The following SP140 variants were observed in gnomAD, a reference collection of about 807,000 sequenced individuals.
SP140 encodes the protein nuclear body protein SP140.
In SP140, 81 loss-of-function variants were observed where a neutral mutation model predicts 125.0. The ratio of observed to expected loss-of-function variants is 0.65; its 90% CI spans 0.54 to 0.78. SP140 has a LOEUF of 0.78. SP140 is among the 30% of genes least tolerant of loss of function. The pLI is 0.00. For missense variants in SP140, 858 were observed against 1,037.0 expected (o/e 0.83, Z 2.37); for synonymous variants, 312 against 354.0 (o/e 0.88, Z 1.33).
At chr2:230,224,728 T>G (rs905655052), upstream of SP140, among the ~76,000 whole-genome samples, 2 of 152,178 alleles carry the variant, frequency 1.3e-5, no homozygotes, top group African/African-American at 2.4e-5. Context: ...AAAGTAGGAT[T>G]CAGGAGCACA....
In SP140 at chr2:230,237,867, A is replaced by C; in HGVS notation, c.238-346A>C. Among the ~76,000 whole-genome samples the C allele has an allele frequency of 6.6e-6, 1 of 152,218 alleles. No individual in the cohort carries two copies. The highest frequency in any genetic ancestry group is 1.5e-5 in the Non-Finnish European group (1 of 68,046). On this transcript the variant is annotated intron_variant, in intron 2 of 26. Coordinates refer to ENST00000392045, the MANE Select transcript of SP140 (RefSeq NM_007237.5). The surrounding 1 kb of genome is among the most constrained non-coding windows in gnomAD (Gnocchi z 5.4). Reference sequence around the variant, plus strand: ...GTTGATTGGTTTCCTGGAGCTCGTCAGGCCAGGCCAATCCTAGTAGTGGTT... The same window carrying C: ...GTTGATTGGTTTCCTGGAGCTCGTCCGGCCAGGCCAATCCTAGTAGTGGTT...
At chr2:230,270,059 C>A in intron 14 of SP140, 106 bp downstream of exon 14, 1 of 740,698 alleles carries the variant, frequency 1.4e-6, no homozygotes, top group Non-Finnish European at 2.4e-6. Flanking sequence ...CTATTCTCCG[C>A]ATTTGCTTGA....
chr2:230,314,471 A>G (rs2059468657), downstream of SP140, among the ~76,000 whole-genome samples: 1 of 152,220 alleles, frequency 6.6e-6, no homozygotes, highest in Non-Finnish European at 1.5e-5. Context: ...GATACGTGAG[A>G]ATTATTGACA....
chr2:230,257,495 A>C (rs55657711), intron 12 of SP140, among the ~76,000 whole-genome samples: 1 of 152,062 alleles, frequency 6.6e-6, no homozygotes, highest in African/African-American at 2.4e-5. Context: ...GGCTGGGTGC[A>C]GTGGGTCACC....
intron 23 of SP140, 113 bp from the exon 24 acceptor site, chr2:230,310,630 C>T: frequency 1.3e-6 from 2 of 1,571,880 alleles, no homozygotes; most frequent in South Asian, 2.3e-5. Flanking sequence ...GTGTTCCCCT[C>T]CCTCCCATGA....
intron 22 of SP140, 143 bp downstream of exon 22, chr2:230,297,605 A>C (rs1311551628): frequency 9.7e-6 from 9 of 927,008 alleles, no homozygotes; most frequent in Middle Eastern, 2.2e-4. Context: ...TGCATCACCC[A>C]AGCCAGGTAG....
chr2:230,217,647 C>G (rs531158976), intron 3 of SP140, among the ~76,000 whole-genome samples: 23 of 152,282 alleles, frequency 1.5e-4, no homozygotes, highest in African/African-American at 5.3e-4. Context: ...AACTGAGACA[C>G]AGAAATGTTT....
upstream of SP140, among the ~76,000 whole-genome samples, chr2:230,202,075 G>A (rs1268667061): frequency 1.3e-5 from 2 of 152,110 alleles, no homozygotes; most frequent in African/African-American, 2.4e-5. Flanking sequence ...CACAATCAAA[G>A]AGATTTGCAC....
chr2:230,252,787 G>A (rs1477141456), intron 10 of SP140, among the ~76,000 whole-genome samples: 1 of 149,718 alleles, frequency 6.7e-6, no homozygotes, highest in Non-Finnish European at 1.5e-5. Context: ...TCCTGGATGT[G>A]TCACTGGGTG....
intron 17 of SP140, among the ~76,000 whole-genome samples, chr2:230,287,422 G>A (rs1006449555): frequency 2.6e-5 from 4 of 152,160 alleles, no homozygotes; most frequent in East Asian, 1.9e-4. Context: ...AAACTGAAAC[G>A]CCTTCACTTA....
chr2:230,231,908 A>C (rs2047308938), intron 1 of SP140, among the ~76,000 whole-genome samples: 1 of 151,924 alleles, frequency 6.6e-6, no homozygotes, highest in Non-Finnish European at 1.5e-5. Flanking sequence ...ACGGGGTTTC[A>C]CCATGTTGGC....
At chr2:230,222,488 G>T (rs6739987), upstream of SP140, among the ~76,000 whole-genome samples, 79 of 152,270 alleles carry the variant, frequency 5.2e-4, no homozygotes, top group African/African-American at 1.8e-3. Context: ...GGAGGTCAAA[G>T]CAGGAGGATC....
chr2:230,306,392 G>C (rs890942510), intron 22 of SP140, among the ~76,000 whole-genome samples: 1 of 152,230 alleles, frequency 6.6e-6, no homozygotes, highest in African/African-American at 2.4e-5. Flanking sequence ...CAGAGAGGGG[G>C]CATGGCTGAG....
intron 18 of SP140, among the ~76,000 whole-genome samples, chr2:230,288,259 AC>A (rs1475742898): frequency 6.6e-6 from 1 of 152,174 alleles, no homozygotes; most frequent in Non-Finnish European, 1.5e-5. Flanking sequence ...AAAGGGTATA[AC>A]CCATAAGTGA....
intron 17 of SP140, 144 bp downstream of exon 17, chr2:230,285,976 C>T: frequency 1.6e-6 from 1 of 623,942 alleles, no homozygotes; most frequent in South Asian, 2.1e-5. Flanking sequence ...AGAGCAAACT[C>T]ATTATAAGCA....
chr2:230,205,787 A>C (rs568937099), intron 1 of SP140, among the ~76,000 whole-genome samples: 4 of 152,204 alleles, frequency 2.6e-5, no homozygotes, highest in African/African-American at 9.7e-5. Flanking sequence ...CCCAGTGTGC[A>C]GCTGGCTATG....
At chr2:230,202,955 A>C, upstream of SP140, 3 of 570,116 alleles carry the variant, frequency 5.3e-6, no homozygotes, top group Non-Finnish European at 9.4e-6. Context: ...TCCTGGTATG[A>C]CCTGTTGCAA....
upstream of SP140, chr2:230,200,444 T>G (rs2043079431): frequency 5.3e-6 from 1 of 187,368 alleles, no homozygotes; most frequent in South Asian, 9.5e-5. Flanking sequence ...AGTTTTTCGC[T>G]TCTCAATTTT....
At chr2:230,265,975 G>A (rs969781360) in intron 12 of SP140, among the ~76,000 whole-genome samples, 6 of 152,124 alleles carry the variant, frequency 3.9e-5, no homozygotes, top group African/African-American at 1.4e-4. Flanking sequence ...GATTCAGTGT[G>A]GGTGACTGAT....
Sources: gnomAD v4.1 joint callset for allele counts (sites outside exome capture counted in the v4.1 genomes callset) on GRCh38, gnomAD v4.1.1 for gene constraint, Gnocchi (gnomAD v3.1) non-coding constraint, MANE v1.5 for transcripts, NCBI Gene and HGNC (gene_info 2026-07-23, HGNC 2026-07-21) for gene names.